DNAH6: variants seen among roughly 807,000 people sequenced by gnomAD.
DNAH6 encodes the protein dynein axonemal heavy chain 6, also known as axonemal beta dynein heavy chain 6.
In DNAH6, 340 loss-of-function variants were observed where a neutral mutation model predicts 491.4. That is an observed-to-expected ratio of 0.69 (90% CI 0.63 to 0.76). The LOEUF (loss-of-function observed/expected upper bound fraction) is 0.76. DNAH6 is among the 30% of genes least tolerant of loss of function. The pLI, the probability that DNAH6 is intolerant of heterozygous loss-of-function variation, is 0.00. For missense variants in DNAH6, 4,443 were observed against 4,972.2 expected (o/e 0.89, Z 3.20); for synonymous variants, 1,603 against 1,686.1 (o/e 0.95, Z 1.21).
chr2:84,561,336 T>C (rs1025823149), intron 11 of DNAH6, among the ~76,000 whole-genome samples: 1 of 152,162 alleles, frequency 6.6e-6, no homozygotes, highest in East Asian at 1.9e-4. Context: ...GCTAGCCATA[T>C]GCAGAAAGCT....
chr2:84,811,347 C>G (rs777619417), intron 72 of DNAH6, among the ~76,000 whole-genome samples: 1 of 152,188 alleles, frequency 6.6e-6, no homozygotes, highest in African/African-American at 2.4e-5. Flanking sequence ...CACAACACTG[C>G]GACCCATGGG....
chr2:84,620,540 T>C (rs1302181590), intron 24 of DNAH6, among the ~76,000 whole-genome samples: 1 of 152,122 alleles, frequency 6.6e-6, no homozygotes, highest in East Asian at 1.9e-4. Context: ...GTATCTTCTA[T>C]GTGGGCATGG....
At chr2:84,495,521 T>G in the DNAH6 span, among the ~76,000 whole-genome samples, 2 of 152,336 alleles carry the variant, frequency 1.3e-5, no homozygotes, top group South Asian at 2.1e-4. Context: ...GCAAAGACCT[T>G]TAAGTCTTGA....
At chr2:84,538,385 C>T (rs1573542315) in intron 4 of DNAH6, among the ~76,000 whole-genome samples, 2 of 152,234 alleles carry the variant, frequency 1.3e-5, no homozygotes, top group South Asian at 2.1e-4. Context: ...AGAATAATGT[C>T]TGATGCTCCC....
At chr2:84,650,576 T>G (rs986663665) in intron 33 of DNAH6, among the ~76,000 whole-genome samples, 1 of 152,166 alleles carries the variant, frequency 6.6e-6, no homozygotes, top group African/African-American at 2.4e-5. Flanking sequence ...AAAACATTTT[T>G]ATGATGACTG....
At chr2:84,550,388 T>G (rs1167320728) in intron 9 of DNAH6, among the ~76,000 whole-genome samples, 1 of 152,156 alleles carries the variant, frequency 6.6e-6, no homozygotes, top group South Asian at 2.1e-4. Context: ...ACGCCACTGT[T>G]CTGAGGGGAG....
intron 29 of DNAH6, among the ~76,000 whole-genome samples, chr2:84,633,713 C>A (rs1470184389): frequency 6.6e-6 from 1 of 150,460 alleles, no homozygotes. Flanking sequence ...TTTTTCAAAA[C>A]CTTCTTCCTG....
At chr2:84,779,317 G>A (rs1279127879) in intron 64 of DNAH6, among the ~76,000 whole-genome samples, 2 of 152,112 alleles carry the variant, frequency 1.3e-5, no homozygotes, top group African/African-American at 4.8e-5. Context: ...ATGAATCTGG[G>A]TATTCCAATG....
chr2:84,792,804 T>C (rs1322240719), intron 68 of DNAH6, among the ~76,000 whole-genome samples: 1 of 152,050 alleles, frequency 6.6e-6, no homozygotes, highest in Non-Finnish European at 1.5e-5. Context: ...AAAGCTATAA[T>C]AAAAGCAAAA....
chr2:84,624,131 T>C (rs1687640208), intron 26 of DNAH6, 134 bp from the exon 27 acceptor site: 1 of 751,722 alleles, frequency 1.3e-6, no homozygotes, highest in Non-Finnish European at 2.1e-6. Context: ...TTGTCCTGTT[T>C]GGTCACAAAA....
At chr2:84,805,848 A>C in intron 71 of DNAH6, 54 bp downstream of exon 71, 16 of 1,495,436 alleles carry the variant, frequency 1.1e-5, no homozygotes, top group South Asian at 1.3e-5. Context: ...GAATAAACTC[A>C]GAGAACTGAG....
intron 22 of DNAH6, among the ~76,000 whole-genome samples, chr2:84,616,539 G>T (rs1027907103): frequency 6.6e-6 from 1 of 151,956 alleles, no homozygotes; most frequent in Non-Finnish European, 1.5e-5. Context: ...CATTTGCATG[G>T]AATATCTTTT....
the DNAH6 span, among the ~76,000 whole-genome samples, chr2:84,464,962 T>G: frequency 6.6e-6 from 1 of 152,230 alleles, no homozygotes; most frequent in African/African-American, 2.4e-5. Flanking sequence ...CCTCTGACAT[T>G]TCCCCCCTCC....
At chr2:84,585,263 G>C (rs1417369685) in intron 15 of DNAH6, among the ~76,000 whole-genome samples, 9 of 152,108 alleles carry the variant, frequency 5.9e-5, no homozygotes, top group Admixed American at 5.9e-4. Flanking sequence ...AAAGCATTAT[G>C]ATACCCTTAG....
intron 63 of DNAH6, among the ~76,000 whole-genome samples, chr2:84,748,375 G>A (rs1673163857): frequency 6.6e-6 from 1 of 152,090 alleles, no homozygotes; most frequent in Non-Finnish European, 1.5e-5. Flanking sequence ...CCACTTTGTG[G>A]TGAAAAAATT....
chr2:84,593,924 T>G (rs1403999329), intron 16 of DNAH6, 48 bp from the exon 17 acceptor site: 1 of 1,135,220 alleles, frequency 8.8e-7, no homozygotes, highest in Non-Finnish European at 1.3e-6. Context: ...CATATGCTCA[T>G]TATATCTGAA....
intron 63 of DNAH6, among the ~76,000 whole-genome samples, chr2:84,755,294 C>T (rs1673892098): frequency 6.6e-6 from 1 of 152,102 alleles, no homozygotes; most frequent in Non-Finnish European, 1.5e-5. Flanking sequence ...GCCTTTCTGC[C>T]CTGCACCATG....
chr2:84,685,392 A>G lies in DNAH6; in HGVS notation c.6983A>G (p.Glu2328Gly). 6.5e-7 allele frequency: 1 copy of G among 1,531,606 alleles called. No individual in the cohort carries two copies. Among genetic ancestry groups the G allele is most frequent in the Non-Finnish European group, 8.8e-7 (1 of 1,133,870 alleles). 94.9% of individuals were successfully genotyped at this position (1,531,606 alleles called of 1,614,324 possible). The change falls in exon 43 of 77, where the codon GAG (glutamate) becomes GGG (glycine). Residue 2328 changes from glutamate to glycine, a missense_variant. This residue lies in a region of DNAH6 where 2,977 missense variants were observed against 3,296.6 expected (regional missense o/e 0.90). Coordinates refer to ENST00000389394, the MANE Select transcript of DNAH6 (RefSeq NM_001370.2). ...EIQIFRLFCHECQRVFHDRLI... is the reference protein window; with the variant it reads ...EIQIFRLFCHGCQRVFHDRLI... ...CAGATATTTAGACTCTTTTGCCATG[A>G]GTGCCAAAGGGTCTTCCATGATCGC...
At chr2:84,545,651 T>C (rs1678703306) in intron 5 of DNAH6, among the ~76,000 whole-genome samples, 1 of 152,178 alleles carries the variant, frequency 6.6e-6, no homozygotes. Context: ...CCCAGCAGAC[T>C]AGAAAGCTCT....
Sources: allele counts gnomAD v4.1 joint callset (sites outside exome capture counted in the v4.1 genomes callset), GRCh38; gene constraint gnomAD v4.1.1; regional missense constraint gnomAD v4.1.1; transcripts MANE v1.5; gene names NCBI Gene and HGNC (gene_info 2026-07-23, HGNC 2026-07-21).